Variants in ATP2B2 observed in about 807,000 individuals in gnomAD.
The protein encoded by ATP2B2 is plasma membrane calcium-transporting ATPase 2.
A neutral mutation model predicts 120.0 loss-of-function variants in ATP2B2; 15 were observed. That is an observed-to-expected ratio of 0.12 (90% CI 0.08 to 0.19). The LOEUF is 0.19. Among genes scored for constraint, ATP2B2 ranks in the 10% least tolerant of loss-of-function variants. The pLI, the probability that ATP2B2 is intolerant of heterozygous loss-of-function variation, is 1.00. For synonymous variants in ATP2B2, 694 were observed against 700.3 expected, an observed-to-expected ratio of 0.99 and a Z score of 0.14; for missense variants, 1,045 against 1,719.8, an observed-to-expected ratio of 0.61 and a Z score of 6.94.
In ATP2B2 at chr3:10,572,997, C is replaced by T. The variant is rs144316992; in HGVS notation, c.-414-38864G>A. 3.5e-3 allele frequency among the ~76,000 whole-genome samples: 534 copies of T among 152,268 alleles called. 2 individuals are homozygous for T. The highest frequency in any genetic ancestry group is 5.4e-3 in the Non-Finnish European group (369 of 68,018). On this transcript the variant is annotated intron_variant, in intron 2 of 21. Transcript: ENST00000646379. ...TGATGGAATTTCAGGCATCTGCAGA[C>T]GGGACGTGCAGATTCCTGGTGCATC... is the stretch of plus-strand genomic sequence containing the variant.
intron 12 of ATP2B2, among the ~76,000 whole-genome samples, chr3:10,368,446 T>C (rs2125490579): frequency 6.6e-6 from 1 of 151,802 alleles, no homozygotes; most frequent in East Asian, 1.9e-4. Flanking sequence ...CCCATTCACA[T>C]ATTCATCCAT....
At chr3:10,551,387 G>T (rs2067666838) in intron 2 of ATP2B2, among the ~76,000 whole-genome samples, 1 of 152,182 alleles carries the variant, frequency 6.6e-6, no homozygotes, top group Non-Finnish European at 1.5e-5. Context: ...GCACAGATGG[G>T]GCCAAAGCGG....
At position 10,328,992 on chromosome 3, in the gene ATP2B2, A is replaced by G. The variant is rs765817186; in HGVS notation, c.3554T>C (p.Ile1185Thr). 2.5e-6 allele frequency: 4 copies of G among 1,613,918 alleles called. No individual in the cohort carries two copies. Among genetic ancestry groups the G allele is most frequent in the South Asian group, 1.1e-5 (1 of 91,052 alleles). Reference sequence around the variant, plus strand: ...ATCTTCTTCCAGGTCGGTGTCATCAATGAGGGGGATGTGGGGCTGGGAATC... The same window carrying G: ...ATCTTCTTCCAGGTCGGTGTCATCAGTGAGGGGGATGTGGGGCTGGGAATC... ...IEDSQPHIPL[I>T]DDTDLEEDAA... is the part of the protein sequence containing the mutation. Residue 1185 changes from isoleucine to threonine, a missense_variant, in exon 23 of 23, where the codon ATT becomes ACT. This residue lies in a region of ATP2B2 where 211 missense variants were observed against 385.1 expected (regional missense o/e 0.55). Transcript: ENST00000360273.
intron 1 of ATP2B2, among the ~76,000 whole-genome samples, chr3:10,632,461 GTA>G (rs1327001380): frequency 6.6e-6 from 1 of 152,214 alleles, no homozygotes; most frequent in Non-Finnish European, 1.5e-5. Flanking sequence ...TCCCTACACT[GTA>G]TGTGTTTGTT....
intron 6 of ATP2B2, among the ~76,000 whole-genome samples, chr3:10,387,580 C>A (rs985308341): frequency 6.6e-5 from 10 of 152,204 alleles, no homozygotes; most frequent in African/African-American, 2.4e-4. Context: ...GAAGCCTGGG[C>A]CTTTGGATTT....
At position 10,378,814 on chromosome 3, in the gene ATP2B2, C is replaced by T. The variant is rs545198340; in HGVS notation, c.1043-404G>A. The stretch of plus-strand genomic sequence containing the variant: ...TGTGGGATATTAAGTAGCCACTCGA[C>T]AGGAGGGACAAAAAAGGAGGCTTAG... On this transcript the variant is annotated intron_variant, in intron 9 of 22. Transcript: ENST00000360273. Among the ~76,000 whole-genome samples the T allele has an allele frequency of 3.9e-5, 6 of 152,242 alleles. No individual in the cohort carries two copies. The South Asian group carries it at 1.0e-3, about 26-fold the overall frequency.
chr3:10,333,366 C>T (rs2060032915), intron 22 of ATP2B2, among the ~76,000 whole-genome samples: 1 of 152,120 alleles, frequency 6.6e-6, no homozygotes, highest in Non-Finnish European at 1.5e-5. Flanking sequence ...CCCACTTCCT[C>T]ATCCCATCAA....
At chr3:10,696,411 C>A (rs1433817729) in intron 1 of ATP2B2, among the ~76,000 whole-genome samples, 1 of 152,216 alleles carries the variant, frequency 6.6e-6, no homozygotes, top group East Asian at 1.9e-4. Context: ...CTCTCTCTCT[C>A]TCTGGTTCTC....
intron 2 of ATP2B2, among the ~76,000 whole-genome samples, chr3:10,597,031 CCAGA>C (rs1369518996): frequency 1.5e-5 from 2 of 131,506 alleles, no homozygotes; most frequent in Non-Finnish European, 3.2e-5. Flanking sequence ...AGGCACACAC[CCAGA>C]CACACACAGG....
chr3:10,680,354 A>G (rs998236227), intron 1 of ATP2B2, among the ~76,000 whole-genome samples: 13 of 151,314 alleles, frequency 8.6e-5, no homozygotes, highest in African/African-American at 3.2e-4. Flanking sequence ...AGGTTGGCCT[A>G]TGGAGGTTGT....
At chr3:10,451,591 A>C (rs983199596) in intron 1 of ATP2B2, among the ~76,000 whole-genome samples, 1 of 152,164 alleles carries the variant, frequency 6.6e-6, no homozygotes, top group African/African-American at 2.4e-5. Context: ...GGACGCTTTT[A>C]CTCAGGGATG....
At position 10,340,765 on chromosome 3, in the gene ATP2B2, G is replaced by A. The variant is rs1194400066; in HGVS notation, c.2918-61C>T. 13 of 1,568,904 alleles carry A rather than the reference G, an allele frequency of 8.3e-6. No individual in the cohort carries two copies. Among genetic ancestry groups the A allele is most frequent in the African/African-American group, 8.1e-5 (6 of 74,020 alleles). ...GTGGTGGGGGAATCAGAGGGGAGAT[G>A]CCTGGCCTTTCGTGGGGGCCTCTTC... On this transcript the variant is annotated intron_variant, in intron 19 of 22. Transcript: ENST00000360273. This position sits in a 1 kb window ranked among gnomAD's most constrained non-coding sequence, Gnocchi z 5.0.
chr3:10,478,303 C>T (rs970432137), intron 1 of ATP2B2, among the ~76,000 whole-genome samples: 2 of 152,182 alleles, frequency 1.3e-5, no homozygotes, highest in Admixed American at 6.5e-5. Context: ...GAAGATATTT[C>T]TTCTCATTCC....
chr3:10,558,956 T>G (rs574536842), intron 2 of ATP2B2, among the ~76,000 whole-genome samples: 1 of 152,324 alleles, frequency 6.6e-6, no homozygotes, highest in African/African-American at 2.4e-5. Context: ...CCTCCTCTGC[T>G]ATTTATATAC....
At chr3:10,365,977 G>A (rs1000682956) in intron 12 of ATP2B2, among the ~76,000 whole-genome samples, 2 of 149,664 alleles carry the variant, frequency 1.3e-5, no homozygotes, top group Admixed American at 6.7e-5. Flanking sequence ...GACGGTGTTC[G>A]CCAAAAAAAC....
chr3:10,432,249 G>A (rs1403779986), intron 2 of ATP2B2, among the ~76,000 whole-genome samples: 2 of 152,196 alleles, frequency 1.3e-5, no homozygotes, highest in African/African-American at 4.8e-5. Flanking sequence ...ATAATAAAGG[G>A]CATGTCCTTC....
intron 22 of ATP2B2, among the ~76,000 whole-genome samples, chr3:10,331,712 A>ATTTTTTTTTTTT (rs34633808): frequency 2.8e-5 from 4 of 143,528 alleles, no homozygotes; most frequent in African/African-American, 1.0e-4. Flanking sequence ...AAAGGTAGGA[A>ATTTTTTTTTTTT]TTTTTTTTTT....
intron 2 of ATP2B2, among the ~76,000 whole-genome samples, chr3:10,606,912 CAGAGAGAGAGAGAGAG>C (rs1185602877): frequency 1.6e-5 from 1 of 62,526 alleles, no homozygotes; most frequent in Non-Finnish European, 4.0e-5. Flanking sequence ...CACACACACA[CAGAGAGAGAGAGAGAG>C]AGAGAGAGAG....
chr3:10,559,693 G>A (rs1165071438), intron 2 of ATP2B2, among the ~76,000 whole-genome samples: 1 of 152,152 alleles, frequency 6.6e-6, no homozygotes, highest in East Asian at 1.9e-4. Context: ...AGAAGCTCTG[G>A]GAGTATGGAG....
Sources: gnomAD v4.1 joint callset for allele counts (sites outside exome capture counted in the v4.1 genomes callset) on GRCh38, gnomAD v4.1.1 for gene constraint, gnomAD v4.1.1 regional missense constraint, Gnocchi (gnomAD v3.1) non-coding constraint, MANE v1.5 for transcripts, NCBI Gene and HGNC (gene_info 2026-07-23, HGNC 2026-07-21) for gene names.